The following NEIL2 variants were observed in gnomAD, a reference collection of about 807,000 sequenced individuals.
NEIL2 encodes the protein nei like DNA glycosylase 2.
NEIL2 carries 23 observed loss-of-function variants against 22.2 expected under a neutral mutation model. The ratio of observed to expected loss-of-function variants is 1.04; its 90% CI spans 0.75 to 1.47. The LOEUF (loss-of-function observed/expected upper bound fraction) is 1.47, where lower values mean the gene tolerates loss of function less well. Ranked by LOEUF, NEIL2 falls within the 40% of genes most tolerant of loss-of-function variation. NEIL2 has a pLI of 0.00. For missense variants in NEIL2, 583 were observed against 404.7 expected, an observed-to-expected ratio of 1.44 and a Z score of -3.78; for synonymous variants, 229 against 164.8, an observed-to-expected ratio of 1.39 and a Z score of -2.99.
chr8:11,773,598 A>T (rs922137948), intron 2 of NEIL2, among the ~76,000 whole-genome samples: 5 of 152,114 alleles, frequency 3.3e-5, no homozygotes, highest in African/African-American at 1.2e-4. Context: ...TTGGGCCTTG[A>T]AGGCTGGAGG....
intron 3 of NEIL2, among the ~76,000 whole-genome samples, chr8:11,782,084 A>T (rs947993403): frequency 2.0e-5 from 3 of 151,922 alleles, no homozygotes; most frequent in Non-Finnish European, 4.4e-5. Flanking sequence ...AATAAATAAA[A>T]TTAGCTTTAT....
At chr8:11,771,249 A>C (rs1388511417) in intron 1 of NEIL2, among the ~76,000 whole-genome samples, 197 bp from the exon 2 acceptor site, 1 of 152,132 alleles carries the variant, frequency 6.6e-6, no homozygotes, top group African/African-American at 2.4e-5. Context: ...CTTTCCTGCT[A>C]CGTTTCCCAC....
At chr8:11,775,304 G>A (rs959709109) in intron 2 of NEIL2, among the ~76,000 whole-genome samples, 2 of 136,820 alleles carry the variant, frequency 1.5e-5, no homozygotes, top group Non-Finnish European at 3.2e-5. Flanking sequence ...AAGGCTTGGG[G>A]CTTGTACCCT....
intron 1 of NEIL2, among the ~76,000 whole-genome samples, chr8:11,771,229 G>C (rs1216465869): frequency 6.6e-6 from 1 of 152,194 alleles, no homozygotes; most frequent in Non-Finnish European, 1.5e-5. Context: ...AGAAAGGTAA[G>C]AGGGGCTGCC....
At position 11,776,948 on chromosome 8, in the gene NEIL2, C is replaced by T. The variant is rs8191591; in HGVS notation, c.139-2650C>T. On this transcript the variant is annotated intron_variant, in intron 2 of 4. Transcript: ENST00000284503. Reference sequence around the variant, plus strand: ...GGTTTGTTGGGAGTAGTGCTAACAGCGCACGCCCTGGCTGCTGTGTCTGAC... The same window carrying T: ...GGTTTGTTGGGAGTAGTGCTAACAGTGCACGCCCTGGCTGCTGTGTCTGAC... Among the ~76,000 whole-genome samples the T allele has an allele frequency of 6.5e-3, 985 of 152,228 alleles. 6 individuals are homozygous for T. Among genetic ancestry groups the T allele is most frequent in the Non-Finnish European group, 0.011 (780 of 68,004 alleles).
chr8:11,778,309 T>A lies in NEIL2; in HGVS notation c.139-1289T>A, dbSNP rs975065546. On this transcript the variant is annotated intron_variant, in intron 2 of 4. Coordinates refer to ENST00000284503, the MANE Select transcript of NEIL2 (RefSeq NM_145043.4). ...TGCTCAGTTTTTTTTTTTTTTTTTT[T>A]TATGTAGGTCAGTTAAACCATTTCT... 7.3e-4 allele frequency among the ~76,000 whole-genome samples: 87 copies of A among 119,866 alleles called. 1 individual carries two copies. Among genetic ancestry groups the A allele is most frequent in the African/African-American group, 2.5e-3 (84 of 33,568 alleles). 78.6% of individuals were successfully genotyped at this position (119,866 alleles called of 152,430 possible).
intron 2 of NEIL2, among the ~76,000 whole-genome samples, chr8:11,775,801 A>G (rs8191579): frequency 0.038 from 5,753 of 152,262 alleles, 264 homozygotes; most frequent in East Asian, 0.26. Flanking sequence ...CCTTTACTCT[A>G]GTTCCCAGCA....
At chr8:11,771,054 C>G (rs897867085) in intron 1 of NEIL2, among the ~76,000 whole-genome samples, 2 of 152,060 alleles carry the variant, frequency 1.3e-5, no homozygotes, top group Admixed American at 1.3e-4. Flanking sequence ...AGAGCGGGAG[C>G]AGGGGGACAG....
rs1805024136 is a variant in NEIL2, at chr8:11,786,982, TAAGG to T, written c.*710_*713del. ...TTTGTTTTGTAACTTTGGTTGATGT[TAAGG>T]CCCTCCATTTTGGAAAGCAGGAAAA... On this transcript the variant is annotated 3_prime_UTR_variant, in exon 5 of 5. Coordinates refer to ENST00000284503, the MANE Select transcript of NEIL2 (RefSeq NM_145043.4). 6.6e-6 allele frequency: 1 copy of T among 152,558 alleles called. No individual in the cohort carries two copies. 9.5% of individuals were successfully genotyped at this position (152,558 alleles called of 1,614,324 possible).
chr8:11,774,282 G>A (rs910636397), intron 2 of NEIL2, among the ~76,000 whole-genome samples: 1 of 152,032 alleles, frequency 6.6e-6, no homozygotes, highest in African/African-American at 2.4e-5. Context: ...GGCTGAGGCA[G>A]GAGAATTGCT....
chr8:11,771,495 C>G lies in NEIL2; in HGVS notation c.48C>G (p.Pro16=), dbSNP rs1368249100. 7.4e-6 allele frequency: 12 copies of G among 1,614,002 alleles called. No homozygotes were observed. Among genetic ancestry groups the G allele is most frequent in the African/African-American group, 5.3e-5 (4 of 74,916 alleles). Residue 16 remains proline, a synonymous_variant, in exon 2 of 5, where the codon CCC becomes CCG. Transcript: ENST00000284503. ...GGAAATTTCACCATTTGGTCTCCCC[C>G]TTTGTGGGTCAGCAGGTGGTCAAGA... ...LVRKFHHLVS[P]FVGQQVVKTG...
intron 2 of NEIL2, among the ~76,000 whole-genome samples, chr8:11,774,252 G>A (rs549140202): frequency 1.3e-5 from 2 of 152,220 alleles, no homozygotes; most frequent in East Asian, 3.9e-4. Flanking sequence ...GTGGGCGCCT[G>A]TAATCCCAGC....
intron 2 of NEIL2, among the ~76,000 whole-genome samples, chr8:11,776,521 G>T (rs1237347663): frequency 1.3e-5 from 2 of 152,182 alleles, no homozygotes; most frequent in African/African-American, 4.8e-5. Context: ...TGCAAGTATT[G>T]GTGTAGACGT....
chr8:11,771,729 C>G (rs912656966), intron 2 of NEIL2, 144 bp downstream of exon 2: 2 of 792,670 alleles, frequency 2.5e-6, no homozygotes, highest in African/African-American at 1.7e-5. Context: ...CTTTCAGTCT[C>G]ACGTGTCTCA....
intron 1 of NEIL2, 135 bp from the exon 2 acceptor site, chr8:11,771,311 C>A: frequency 9.4e-7 from 1 of 1,065,586 alleles, no homozygotes; most frequent in Non-Finnish European, 1.4e-6. Flanking sequence ...CAGCCACACT[C>A]CCTTTTTGGC....
intron 2 of NEIL2, 68 bp from the exon 3 acceptor site, chr8:11,779,529 TA>T: frequency 8.0e-7 from 1 of 1,247,678 alleles, no homozygotes; most frequent in Non-Finnish European, 1.2e-6. Flanking sequence ...TGCAATAGGA[TA>T]AATATCCGCA....
chr8:11,773,135 G>A (rs532569492), intron 2 of NEIL2, among the ~76,000 whole-genome samples: 82 of 152,224 alleles, frequency 5.4e-4, no homozygotes, highest in African/African-American at 1.9e-3. Context: ...ACTGTCCTTC[G>A]AGGTTTGCAG....
At chr8:11,780,570 G>A (rs917285786) in intron 3 of NEIL2, among the ~76,000 whole-genome samples, 6 of 152,128 alleles carry the variant, frequency 3.9e-5, no homozygotes, top group Non-Finnish European at 5.9e-5. Flanking sequence ...ATAGAGACGG[G>A]GTTTCACCAT....
intron 3 of NEIL2, chr8:11,782,988 G>A (rs149989843): frequency 4.5e-4 from 287 of 635,136 alleles, no homozygotes; most frequent in Non-Finnish European, 6.7e-4. Context: ...GGGGATGTGT[G>A]TATGTGTGCA....
Sources: allele counts gnomAD v4.1 joint callset (sites outside exome capture counted in the v4.1 genomes callset), GRCh38; gene constraint gnomAD v4.1.1; transcripts MANE v1.5; gene names NCBI Gene and HGNC (gene_info 2026-07-23, HGNC 2026-07-21).